The following NRXN1 variants were observed in gnomAD, a reference collection of about 807,000 sequenced individuals.
NRXN1 encodes neurexin-1.
Under a neutral mutation model 150.9 loss-of-function variants are expected in NRXN1, and 39 were observed. The observed-to-expected ratio is 0.26, with a 90% CI of 0.20 to 0.34. The LOEUF is 0.34. Ranked by LOEUF, NRXN1 falls within the 10% of genes least tolerant of loss-of-function variation. The probability of loss-of-function intolerance (pLI) is 1.00; values close to 1 mark genes in which losing one functional copy is unlikely to be tolerated. For synonymous variants in NRXN1, 924 were observed against 757.0 expected (o/e 1.22, Z -3.62); for missense variants, 1,815 against 1,949.9 (o/e 0.93, Z 1.30).
chr2:50,758,707 G>T (rs546760100), intron 5 of NRXN1, among the ~76,000 whole-genome samples: 4 of 151,960 alleles, frequency 2.6e-5, no homozygotes, highest in African/African-American at 9.6e-5. Context: ...GAGTAACATG[G>T]TCTCTTTTCC....
chr2:50,819,738 A>G (rs185065082), intron 5 of NRXN1, among the ~76,000 whole-genome samples: 1 of 152,226 alleles, frequency 6.6e-6, no homozygotes, highest in Admixed American at 6.5e-5. Context: ...AGTGATTTTT[A>G]GAGCAGTGAT....
chr2:50,556,368 C>G (rs1318410232), intron 8 of NRXN1, among the ~76,000 whole-genome samples: 1 of 151,948 alleles, frequency 6.6e-6, no homozygotes, highest in African/African-American at 2.4e-5. Flanking sequence ...ATTTTTAATT[C>G]TTATGTCAAA....
At chr2:50,007,934 C>G (rs1207199596) in intron 21 of NRXN1, among the ~76,000 whole-genome samples, 2 of 152,052 alleles carry the variant, frequency 1.3e-5, no homozygotes, top group Non-Finnish European at 2.9e-5. Context: ...TATTCTAACT[C>G]CCAATGCTGT....
chr2:50,504,708 C>G (rs2092131977), intron 13 of NRXN1, among the ~76,000 whole-genome samples: 1 of 152,156 alleles, frequency 6.6e-6, no homozygotes, highest in African/African-American at 2.4e-5. Flanking sequence ...CATATTTTCT[C>G]CACTTACTCT....
At chr2:50,940,581 T>C (rs1451787015) in intron 2 of NRXN1, among the ~76,000 whole-genome samples, 1 of 151,428 alleles carries the variant, frequency 6.6e-6, no homozygotes, top group Non-Finnish European at 1.5e-5. Flanking sequence ...TCAAAAGAAA[T>C]AGTGTCAATA....
chr2:50,628,408 T>C lies in NRXN1; in HGVS notation c.833-4793A>G, dbSNP rs1338929915. The stretch of plus-strand genomic sequence containing the variant: ...AAATTCAGTCTGTGGAATATGCAAT[T>C]ACCTTAAAATGCCATAAATGGGACA... On this transcript the variant is annotated intron_variant, in intron 5 of 22. Coordinates refer to ENST00000401669, the MANE Select transcript of NRXN1 (RefSeq NM_001330078.2). 3.3e-5 allele frequency among the ~76,000 whole-genome samples: 5 copies of C among 151,754 alleles called. No individual in the cohort carries two copies. In the East Asian group the frequency reaches 9.7e-4, roughly 29 times the overall value.
intron 13 of NRXN1, among the ~76,000 whole-genome samples, chr2:50,499,333 G>A (rs17476669): frequency 0.31 from 47,705 of 151,862 alleles, 8,888 homozygotes; most frequent in Middle Eastern, 0.52. Flanking sequence ...GGTTTGTTCT[G>A]ATTCCCTTCC....
At chr2:49,958,854 C>T (rs1675433911) in intron 21 of NRXN1, among the ~76,000 whole-genome samples, 1 of 152,028 alleles carries the variant, frequency 6.6e-6, no homozygotes, top group African/African-American at 2.4e-5. Context: ...CCAATTTGCC[C>T]CTTCGGATCT....
intron 5 of NRXN1, among the ~76,000 whole-genome samples, chr2:50,907,604 C>A (rs1365999364): frequency 1.3e-5 from 2 of 151,942 alleles, no homozygotes; most frequent in East Asian, 3.9e-4. Flanking sequence ...AAGCTCCTTA[C>A]AAGTGGAAGA....
intron 2 of NRXN1, among the ~76,000 whole-genome samples, chr2:51,005,395 G>C (rs1206802621): frequency 2.6e-5 from 4 of 151,914 alleles, no homozygotes; most frequent in African/African-American, 7.2e-5. Context: ...ATATCCATCA[G>C]TTCAAACCTT....
At chr2:50,472,794 C>CG (rs1265321474) in intron 15 of NRXN1, among the ~76,000 whole-genome samples, 35 of 64,706 alleles carry the variant, frequency 5.4e-4, no homozygotes, top group African/African-American at 2.4e-3. Flanking sequence ...GCCCTACAGC[C>CG]TTGTGTGTGT....
chr2:50,011,062 GT>G (rs955059224), intron 21 of NRXN1, among the ~76,000 whole-genome samples: 8 of 152,192 alleles, frequency 5.3e-5, no homozygotes, highest in African/African-American at 1.7e-4. Flanking sequence ...TCCTTGGAGA[GT>G]TTTTACAATC....
intron 2 of NRXN1, among the ~76,000 whole-genome samples, chr2:51,001,235 G>GGGGT (rs1553477292): frequency 0.15 from 15,208 of 99,512 alleles, 1,716 homozygotes; most frequent in East Asian, 0.38. Flanking sequence ...TCATGGGGTT[G>GGGGT]GGGGGGGGGG....
At chr2:50,271,735 A>C (rs556083955) in intron 17 of NRXN1, among the ~76,000 whole-genome samples, 4 of 152,220 alleles carry the variant, frequency 2.6e-5, no homozygotes, top group Non-Finnish European at 5.9e-5. Flanking sequence ...GATTATATAC[A>C]TGACTGGCAT....
chr2:49,986,579 GA>G (rs1680947975), intron 21 of NRXN1, among the ~76,000 whole-genome samples: 1 of 152,106 alleles, frequency 6.6e-6, no homozygotes, highest in African/African-American at 2.4e-5. Context: ...CAATGAGAAT[GA>G]AAAGGGTAAA....
At chr2:50,202,452 G>A (rs2062242921) in intron 18 of NRXN1, among the ~76,000 whole-genome samples, 1 of 152,116 alleles carries the variant, frequency 6.6e-6, no homozygotes, top group Admixed American at 6.6e-5. Context: ...CTTGCAGTGA[G>A]CTGAGATCAT....
intron 5 of NRXN1, among the ~76,000 whole-genome samples, chr2:50,893,184 G>C (rs1418369950): frequency 6.6e-6 from 1 of 152,120 alleles, no homozygotes; most frequent in Admixed American, 6.5e-5. Flanking sequence ...AAGTGCATCT[G>C]AGCATTTGTC....
At chr2:50,204,876 T>C (rs2062450788) in intron 18 of NRXN1, among the ~76,000 whole-genome samples, 1 of 152,084 alleles carries the variant, frequency 6.6e-6, no homozygotes, top group African/African-American at 2.4e-5. Context: ...TTCCAGTTAT[T>C]ATTACTATTA....
intron 22 of NRXN1, among the ~76,000 whole-genome samples, chr2:49,942,033 A>G (rs1220842737): frequency 2.6e-5 from 4 of 152,176 alleles, no homozygotes; most frequent in South Asian, 2.1e-4. Context: ...AAGCATACCA[A>G]TGAAAACCAA....
Sources: gnomAD v4.1 joint callset for allele counts (sites outside exome capture counted in the v4.1 genomes callset) on GRCh38, gnomAD v4.1.1 for gene constraint, MANE v1.5 for transcripts, NCBI Gene and HGNC (gene_info 2026-07-23, HGNC 2026-07-21) for gene names.